Variants in TBK1 observed in about 807,000 individuals in gnomAD.
TBK1 encodes serine/threonine-protein kinase TBK1.
TBK1 carries 37 observed loss-of-function variants against 99.9 expected under a neutral mutation model. The observed-to-expected ratio is 0.37, with a 90% CI of 0.28 to 0.49. The LOEUF (loss-of-function observed/expected upper bound fraction) is 0.49, where lower values mean the gene tolerates loss of function less well. Among genes scored for constraint, TBK1 ranks in the 20% least tolerant of loss-of-function variants. TBK1 has a pLI of 0.98. For synonymous variants in TBK1, 258 were observed against 279.8 expected (o/e 0.92, Z 0.78); for missense variants, 644 against 872.5 (o/e 0.74, Z 3.30).
chr12:64,463,397 G>A (rs1362021024), intron 3 of TBK1, among the ~76,000 whole-genome samples: 1 of 149,856 alleles, frequency 6.7e-6, no homozygotes, highest in Non-Finnish European at 1.5e-5. Flanking sequence ...AAAAAAAGAA[G>A]GAAAGAAAGA....
intron 20 of TBK1, among the ~76,000 whole-genome samples, chr12:64,498,285 C>T (rs928136650): frequency 3.9e-5 from 6 of 152,196 alleles, no homozygotes; most frequent in East Asian, 1.9e-4. Context: ...ACTCTATTTA[C>T]ATTATTTTTA....
intron 13 of TBK1, among the ~76,000 whole-genome samples, chr12:64,492,275 A>T (rs1329953047): frequency 6.6e-6 from 1 of 152,166 alleles, no homozygotes; most frequent in African/African-American, 2.4e-5. Flanking sequence ...TCTCATTTTT[A>T]TGACATTCCT....
At position 64,490,077 on chromosome 12, in the gene TBK1, A is replaced by G. The variant is rs373774903; in HGVS notation, c.1479A>G (p.Ala493=). The stretch of plus-strand genomic sequence containing the variant: ...TGATGAAGATCAACCTGGAAGCGGC[A>G]GAGTTAGGTGAAATTTCAGACATAC... ...EKLMKINLEA[A]ELGEISDIHT... Residue 493 remains alanine (A), a synonymous_variant, in exon 13 of 21, where the codon GCA becomes GCG. Transcript: ENST00000331710. The G allele has an allele frequency of 1.9e-6, 3 of 1,611,268 alleles. No individual in the cohort carries two copies. In the African/African-American group the frequency reaches 4.0e-5, roughly 22 times the overall value.
chr12:64,496,282 T>C, intron 15 of TBK1, 85 bp from the exon 16 acceptor site: 1 of 669,174 alleles, frequency 1.5e-6, no homozygotes, highest in Non-Finnish European at 2.3e-6. Flanking sequence ...TTAGCCTTTT[T>C]GAAGCAATAA....
intron 12 of TBK1, 50 bp from the exon 13 acceptor site, chr12:64,489,991 C>T: frequency 9.3e-7 from 1 of 1,076,098 alleles, no homozygotes; most frequent in South Asian, 1.6e-5. Context: ...CTTTTTAAAA[C>T]TATGTATTGA....
At chr12:64,499,136 C>T (rs1391893944) in intron 20 of TBK1, among the ~76,000 whole-genome samples, 1 of 144,846 alleles carries the variant, frequency 6.9e-6, no homozygotes, top group African/African-American at 2.6e-5. Context: ...CTCTGCCTCC[C>T]GGGTTCAAGT....
intron 2 of TBK1, among the ~76,000 whole-genome samples, chr12:64,458,229 C>A (rs887399020): frequency 2.0e-5 from 3 of 152,048 alleles, no homozygotes; most frequent in African/African-American, 7.2e-5. Context: ...ATGGCAGTTG[C>A]AACTGTTTAG....
intron 3 of TBK1, among the ~76,000 whole-genome samples, chr12:64,463,597 G>T (rs1374837209): frequency 2.0e-5 from 3 of 151,068 alleles, no homozygotes; most frequent in African/African-American, 7.3e-5. Context: ...CTACTTGGGA[G>T]CTGAGGCAGG....
intron 6 of TBK1, among the ~76,000 whole-genome samples, chr12:64,479,775 T>A (rs939899224): frequency 2.6e-5 from 4 of 152,266 alleles, no homozygotes; most frequent in African/African-American, 7.2e-5. Context: ...TAAAGCACTG[T>A]GAGATCTCAA....
At chr12:64,457,149 T>G (rs1400666587) in intron 2 of TBK1, among the ~76,000 whole-genome samples, 2 of 152,224 alleles carry the variant, frequency 1.3e-5, no homozygotes, top group South Asian at 2.1e-4. Flanking sequence ...CCTCTTTTCC[T>G]GTATTCTTGA....
At chr12:64,478,297 C>T (rs1048386116) in intron 6 of TBK1, among the ~76,000 whole-genome samples, 1 of 152,074 alleles carries the variant, frequency 6.6e-6, no homozygotes, top group Non-Finnish European at 1.5e-5. Flanking sequence ...ATTACAGGCA[C>T]CCACCACCAT....
intron 6 of TBK1, among the ~76,000 whole-genome samples, chr12:64,478,090 A>T (rs965234129): frequency 3.9e-5 from 6 of 152,220 alleles, no homozygotes; most frequent in African/African-American, 1.4e-4. Context: ...AACCTGTCCA[A>T]CCATTCTTTT....
rs183246646 is a variant in TBK1 at position 64,480,879 on chromosome 12, T to G, written c.812+757T>G. Among the ~76,000 whole-genome samples, 5 of 152,294 alleles carry G rather than the reference T, an allele frequency of 3.3e-5. No homozygotes were observed. The East Asian group carries it at 9.6e-4, about 29-fold the overall frequency. On this transcript the variant is annotated intron_variant, in intron 7 of 20. Transcript: ENST00000331710. Reference sequence around the variant, plus strand: ...GTGGCTTATCACCTTTTTTAAGTTGTGGGTGCTTTTTGTATGACTTTAAAT... The same window carrying G: ...GTGGCTTATCACCTTTTTTAAGTTGGGGGTGCTTTTTGTATGACTTTAAAT...
At chr12:64,490,171 C>T in intron 13 of TBK1, 52 bp downstream of exon 13, 1 of 1,321,096 alleles carries the variant, frequency 7.6e-7, no homozygotes, top group Non-Finnish European at 1.1e-6. Context: ...TATTCCTTTG[C>T]TGGCACTATT....
chr12:64,454,695 G>A (rs77557997), intron 1 of TBK1, among the ~76,000 whole-genome samples: 19 of 21,636 alleles, frequency 8.8e-4, no homozygotes, highest in African/African-American at 3.6e-3. Flanking sequence ...TTTTTTTTTT[G>A]AGACGGAGTC....
In TBK1 at chr12:64,474,313, G is replaced by T; in HGVS notation, c.624G>T (p.Gly208=). ...YGATVDLWSI[G]VTFYHAATGS... ...CAACAGTTGATCTTTGGAGCATTGG[G>T]GTAACATTTTACCATGCAGCTACTG... Residue 208 remains glycine, a synonymous_variant, in exon 6 of 21, where the codon GGG becomes GGT. Coordinates refer to ENST00000331710, the MANE Select transcript of TBK1 (RefSeq NM_013254.4). 1 of 1,613,762 alleles carries T rather than the reference G, an allele frequency of 6.2e-7. No homozygotes were observed. Among genetic ancestry groups the T allele is most frequent in the Non-Finnish European group, 8.5e-7 (1 of 1,179,946 alleles).
rs1048722058 is a variant in TBK1 at position 64,480,055 on chromosome 12, G to A, written c.745G>A (p.Val249Ile). 9.9e-6 allele frequency: 16 copies of A among 1,612,768 alleles called. No homozygotes were observed. Among genetic ancestry groups the A allele is most frequent in the African/African-American group, 1.3e-5 (1 of 74,822 alleles). Residue 249 changes from valine to isoleucine, a missense_variant, in exon 7 of 21, where the codon GTA becomes ATA. This residue lies in a region of TBK1 where 465 missense variants were observed against 588.0 expected (regional missense o/e 0.79). Transcript: ENST00000331710. The stretch of plus-strand genomic sequence containing the variant: ...AAAGCCTTCTGGTGCAATATCTGGA[G>A]TACAGAAAGCAGAAAATGGACCAAT... ...TGKPSGAISG[V>I]QKAENGPIDW...
intron 18 of TBK1, 90 bp from the exon 19 acceptor site, chr12:64,497,558 G>GT (rs1283614681): frequency 4.7e-6 from 4 of 850,748 alleles, no homozygotes; most frequent in Non-Finnish European, 7.2e-6. Flanking sequence ...ATTAAAAGCT[G>GT]TAACACTTGA....
chr12:64,454,967 G>A (rs1188796160), intron 1 of TBK1, among the ~76,000 whole-genome samples: 2 of 147,734 alleles, frequency 1.4e-5, no homozygotes, highest in Non-Finnish European at 3.0e-5. Context: ...GTGAGCCACC[G>A]CGCCCGGCCA....
Sources: gnomAD v4.1 joint callset for allele counts (sites outside exome capture counted in the v4.1 genomes callset) on GRCh38, gnomAD v4.1.1 for gene constraint, gnomAD v4.1.1 regional missense constraint, MANE v1.5 for transcripts, NCBI Gene and HGNC (gene_info 2026-07-23, HGNC 2026-07-21) for gene names.